The following LPP variants were observed in gnomAD, a reference collection of about 807,000 sequenced individuals.
LPP encodes LIM domain containing preferred translocation partner in lipoma.
LPP carries 38 observed loss-of-function variants against 60.4 expected under a neutral mutation model. The observed-to-expected ratio is 0.63, with a 90% CI of 0.49 to 0.83. The LOEUF (loss-of-function observed/expected upper bound fraction) is 0.83. Ranked by LOEUF, LPP falls within the 40% of genes least tolerant of loss-of-function variation. LPP has a pLI of 0.00. For synonymous variants in LPP, 328 were observed against 290.8 expected (o/e 1.13, Z -1.30); for missense variants, 902 against 783.6 (o/e 1.15, Z -1.80).
intron 2 of LPP, among the ~76,000 whole-genome samples, chr3:188,326,462 G>A (rs761292440): frequency 2.6e-5 from 4 of 152,154 alleles, no homozygotes; most frequent in Non-Finnish European, 4.4e-5. Context: ...ACATAGTTTT[G>A]CAGCTAAAAT....
chr3:188,419,975 C>A (rs1787340744), intron 4 of LPP, among the ~76,000 whole-genome samples: 1 of 152,028 alleles, frequency 6.6e-6, no homozygotes, highest in African/African-American at 2.4e-5. Context: ...AAAGTTAAGT[C>A]ATGACAAAAT....
At chr3:188,407,784 G>GTTTTTTTTTTT (rs1397646143) in intron 4 of LPP, among the ~76,000 whole-genome samples, 4 of 114,820 alleles carry the variant, frequency 3.5e-5, no homozygotes, top group African/African-American at 7.5e-5. Context: ...TTTTTTGTTT[G>GTTTTTTTTTTT]TTTGTTTTTT....
At chr3:188,565,798 A>G (rs1831995268) in intron 6 of LPP, among the ~76,000 whole-genome samples, 1 of 152,016 alleles carries the variant, frequency 6.6e-6, no homozygotes, top group African/African-American at 2.4e-5. Flanking sequence ...GACTTTGACT[A>G]AGCTTCAAGG....
At chr3:188,179,416 G>A (rs766586542) in intron 1 of LPP, 4 of 457,740 alleles carry the variant, frequency 8.7e-6, no homozygotes, top group African/African-American at 8.0e-5. Context: ...GGGCTTGGAG[G>A]GCCACCTGAC....
intron 7 of LPP, among the ~76,000 whole-genome samples, chr3:188,695,905 A>T (rs1483892571): frequency 6.6e-6 from 1 of 152,248 alleles, no homozygotes; most frequent in African/African-American, 2.4e-5. Flanking sequence ...GCTGTAAATT[A>T]GTGGAAAAAC....
chr3:188,267,872 C>T (rs753863838), intron 2 of LPP, among the ~76,000 whole-genome samples: 17 of 152,130 alleles, frequency 1.1e-4, no homozygotes, highest in Admixed American at 5.2e-4. Context: ...CCCGGGCTTG[C>T]GTGTCTGGCA....
intron 4 of LPP, among the ~76,000 whole-genome samples, chr3:188,426,935 C>T (rs951463447): frequency 6.6e-6 from 1 of 152,038 alleles, no homozygotes; most frequent in Non-Finnish European, 1.5e-5. Context: ...TTAACTGGGG[C>T]CTTTAGCCTG....
At chr3:188,518,263 A>G (rs1358075877) in intron 5 of LPP, among the ~76,000 whole-genome samples, 1 of 152,212 alleles carries the variant, frequency 6.6e-6, no homozygotes, top group Non-Finnish European at 1.5e-5. Flanking sequence ...CTGATATTAG[A>G]AAGAAGAGAG....
intron 3 of LPP, among the ~76,000 whole-genome samples, chr3:188,361,797 A>G (rs1769498266): frequency 6.6e-6 from 1 of 152,076 alleles, no homozygotes; most frequent in Admixed American, 6.6e-5. Flanking sequence ...CGAACTCCTG[A>G]CCTCAAATGA....
rs139136573 is a variant in LPP at position 188,525,053 on chromosome 3, G to A, written c.429+266G>A. On this transcript the variant is annotated intron_variant, in intron 6 of 11. Transcript: ENST00000617246. ...ACAATCTTGTCTCACTGCAACCTCCGCCTCCCGGGTTCAAGCAATTCTCCT... is the reference window on the plus strand; with the variant it reads ...ACAATCTTGTCTCACTGCAACCTCCACCTCCCGGGTTCAAGCAATTCTCCT... Among the ~76,000 whole-genome samples, 258 of 145,764 alleles carry A rather than the reference G, an allele frequency of 1.8e-3. 5 individuals carry two copies. The East Asian group carries it at 0.046, about 26-fold the overall frequency.
At chr3:188,353,007 G>T (rs1350527297) in intron 3 of LPP, among the ~76,000 whole-genome samples, 4 of 152,130 alleles carry the variant, frequency 2.6e-5, no homozygotes, top group Non-Finnish European at 5.9e-5. Context: ...TAATCATAAT[G>T]CCATGTTCTC....
chr3:188,183,963 G>A (rs1013324148), intron 1 of LPP, among the ~76,000 whole-genome samples: 2 of 152,118 alleles, frequency 1.3e-5, no homozygotes, highest in African/African-American at 4.8e-5. Flanking sequence ...AGGACCTATG[G>A]TAGCAGATGT....
chr3:188,592,242 T>C (rs1838873058), intron 6 of LPP, among the ~76,000 whole-genome samples: 1 of 152,082 alleles, frequency 6.6e-6, no homozygotes, highest in Non-Finnish European at 1.5e-5. Context: ...TGAAGAATTT[T>C]AAAATTTATA....
intron 5 of LPP, among the ~76,000 whole-genome samples, chr3:188,523,967 A>G (rs1819733611): frequency 6.6e-6 from 1 of 152,070 alleles, no homozygotes; most frequent in African/African-American, 2.4e-5. Context: ...CCCTGTGTCG[A>G]TGTTGTTGTC....
intron 2 of LPP, among the ~76,000 whole-genome samples, chr3:188,274,287 G>A (rs1367586621): frequency 6.6e-6 from 1 of 152,172 alleles, no homozygotes; most frequent in Non-Finnish European, 1.5e-5. Flanking sequence ...AACATGCTCT[G>A]TGTTTCTGCA....
At chr3:188,775,658 T>C (rs1451531156) in intron 9 of LPP, among the ~76,000 whole-genome samples, 1 of 152,242 alleles carries the variant, frequency 6.6e-6, no homozygotes, top group Non-Finnish European at 1.5e-5. Context: ...CCAGCAAAGC[T>C]GCTGGAATAA....
intron 2 of LPP, among the ~76,000 whole-genome samples, chr3:188,330,178 G>A (rs1330940997): frequency 2.0e-5 from 3 of 152,020 alleles, no homozygotes; most frequent in Non-Finnish European, 2.9e-5. Flanking sequence ...CTATGAGACT[G>A]TATTGAAGAA....
chr3:188,491,785 G>A (rs1390615942), intron 5 of LPP, among the ~76,000 whole-genome samples: 1 of 152,152 alleles, frequency 6.6e-6, no homozygotes, highest in Non-Finnish European at 1.5e-5. Flanking sequence ...ATAAGAAGAT[G>A]GACATTTTTG....
Position 188,609,825 on chromosome 3 carries a change from C to G in LPP, c.1094C>G (p.Ala365Gly). The change falls in exon 7 of 12, where the codon GCG (alanine) becomes GGG (glycine). Residue 365 changes from alanine (A) to glycine (G), a missense_variant. By Grantham distance (60) the Ala-to-Gly change is moderately conservative. Transcript: ENST00000617246. This position sits in a 1 kb window ranked among gnomAD's most constrained non-coding sequence, Gnocchi z 6.9. The stretch of plus-strand genomic sequence containing the variant: ...ACAGATCCTGTTTCAGCCCCCTGTG[C>G]GCCACCATTGCAGCCAAAGGTAAGA... ...YITDPVSAPC[A>G]PPLQPKGGHS... 3.7e-6 allele frequency: 6 copies of G among 1,611,434 alleles called. No individual in the cohort carries two copies. Among genetic ancestry groups the G allele is most frequent in the Non-Finnish European group, 5.1e-6 (6 of 1,178,972 alleles).
Sources: gnomAD v4.1 joint callset for allele counts (sites outside exome capture counted in the v4.1 genomes callset) on GRCh38, gnomAD v4.1.1 for gene constraint, Gnocchi (gnomAD v3.1) non-coding constraint, MANE v1.5 for transcripts, NCBI Gene and HGNC (gene_info 2026-07-23, HGNC 2026-07-21) for gene names.